The following BABAM2 variants were observed in gnomAD, a reference collection of about 807,000 sequenced individuals.
BABAM2 encodes BRISC and BRCA1-A complex member 2.
In BABAM2, 31 loss-of-function variants were observed where a neutral mutation model predicts 54.7. The ratio of observed to expected loss-of-function variants is 0.57; its 90% confidence interval spans 0.43 to 0.77. The LOEUF (loss-of-function observed/expected upper bound fraction) is 0.77. Ranked by LOEUF, BABAM2 falls within the 30% of genes least tolerant of loss-of-function variation. The probability of loss-of-function intolerance (pLI) is 0.00; values close to 1 mark genes in which losing one functional copy is unlikely to be tolerated. For missense variants in BABAM2, 364 were observed against 455.8 expected, an observed-to-expected ratio of 0.80 and a Z score of 1.83; for synonymous variants, 167 against 162.9, an observed-to-expected ratio of 1.03 and a Z score of -0.19.
In BABAM2 at chr2:28,322,203, C is replaced by G. The variant is rs1690078805; in HGVS notation, c.1089-16247C>G. Among the ~76,000 whole-genome samples, 1 of 152,024 alleles carries G rather than the reference C, an allele frequency of 6.6e-6. No individual in the cohort carries two copies. The highest frequency in any genetic ancestry group is 6.6e-5 in the Admixed American group (1 of 15,266). On this transcript the variant is annotated intron_variant, in intron 11 of 11. Coordinates refer to ENST00000379624, the MANE Select transcript of BABAM2 (RefSeq NM_199191.3). The surrounding 1 kb of genome is among the most constrained non-coding windows in gnomAD (Gnocchi z 4.1). ...AGTGCTGCATGTAAAGCTAGGCACT[C>G]CCCAGTGATGGAGCTTCCAGCTGCC...
intron 6 of BABAM2, among the ~76,000 whole-genome samples, chr2:28,110,688 G>A (rs1252058522): frequency 6.6e-6 from 1 of 151,964 alleles, no homozygotes; most frequent in Non-Finnish European, 1.5e-5. Context: ...TAGCTCTTTA[G>A]GATCCTGTTT....
chr2:28,184,905 TTTAA>T (rs769339067), intron 7 of BABAM2, among the ~76,000 whole-genome samples: 1 of 152,244 alleles, frequency 6.6e-6, no homozygotes, highest in African/African-American at 2.4e-5. Context: ...ATGAGATGGC[TTTAA>T]TTAAGTCACT....
intron 9 of BABAM2, 54 bp from the exon 10 acceptor site, chr2:28,244,726 C>T: frequency 1.3e-6 from 2 of 1,501,304 alleles, no homozygotes; most frequent in Non-Finnish European, 9.2e-7. Context: ...TGCTTTTATA[C>T]CTTAATTTTA....
intron 6 of BABAM2, among the ~76,000 whole-genome samples, chr2:28,127,957 C>T (rs1401376698): frequency 6.6e-6 from 1 of 152,056 alleles, no homozygotes; most frequent in Non-Finnish European, 1.5e-5. Context: ...CAGGTGCCCA[C>T]CACCACGCCC....
intron 7 of BABAM2, among the ~76,000 whole-genome samples, chr2:28,172,962 C>G (rs1392563425): frequency 2.0e-5 from 3 of 152,222 alleles, no homozygotes; most frequent in African/African-American, 7.2e-5. Context: ...TGCAGCCTCT[C>G]TTCCTGGCTT....
intron 3 of BABAM2, among the ~76,000 whole-genome samples, chr2:27,983,162 C>T (rs1672144981): frequency 6.6e-6 from 1 of 152,020 alleles, no homozygotes; most frequent in African/African-American, 2.4e-5. Flanking sequence ...TTCATGTTCT[C>T]ACCCACCCTT....
intron 10 of BABAM2, among the ~76,000 whole-genome samples, chr2:28,276,473 T>C (rs187570152): frequency 8.6e-4 from 131 of 152,334 alleles, no homozygotes; most frequent in Non-Finnish European, 1.5e-3. Context: ...CCGTGGGATG[T>C]TTTTAGCAAA....
At chr2:28,061,890 C>A (rs1451404379) in intron 6 of BABAM2, among the ~76,000 whole-genome samples, 1 of 152,024 alleles carries the variant, frequency 6.6e-6, no homozygotes, top group Non-Finnish European at 1.5e-5. Context: ...GAGTCCCAAA[C>A]ACTTTGAGAA....
intron 4 of BABAM2, among the ~76,000 whole-genome samples, chr2:27,988,849 G>A (rs1024777104): frequency 6.6e-6 from 1 of 151,972 alleles, no homozygotes; most frequent in African/African-American, 2.4e-5. Context: ...TACTAGAAGA[G>A]GTTTTATAGT....
chr2:28,042,061 C>T lies in BABAM2; in HGVS notation c.496-3664C>T, dbSNP rs577218061. On this transcript the variant is annotated intron_variant, in intron 5 of 11. Transcript: ENST00000379624. Reference sequence around the variant, plus strand: ...GGATATATTTTGAAGGGAGAGTTAACAAGATTTTGCCGCCACTTTGAATGT... The same window carrying T: ...GGATATATTTTGAAGGGAGAGTTAATAAGATTTTGCCGCCACTTTGAATGT... Among the ~76,000 whole-genome samples the T allele has an allele frequency of 4.0e-4, 61 of 152,208 alleles. 1 individual carries two copies. The South Asian group carries it at 0.012, about 31-fold the overall frequency.
At chr2:28,126,147 T>TTTA (rs532541270) in intron 6 of BABAM2, among the ~76,000 whole-genome samples, 1 of 151,930 alleles carries the variant, frequency 6.6e-6, no homozygotes, top group African/African-American at 2.4e-5. Context: ...TTAATTTTAT[T>TTTA]TTATTATTAT....
chr2:28,313,709 G>T (rs1292504805), intron 11 of BABAM2, among the ~76,000 whole-genome samples: 1 of 152,306 alleles, frequency 6.6e-6, no homozygotes, highest in Non-Finnish European at 1.5e-5. Flanking sequence ...CTGCAGTTAA[G>T]TTACTGCTAA....
intron 10 of BABAM2, among the ~76,000 whole-genome samples, chr2:28,259,074 CTTTTT>C (rs70956009): frequency 4.3e-5 from 1 of 23,422 alleles, no homozygotes; most frequent in African/African-American, 1.8e-4. Flanking sequence ...TGCACCTGGC[CTTTTT>C]TTTTTTTTTT....
chr2:28,054,843 A>G (rs563548829), intron 6 of BABAM2, among the ~76,000 whole-genome samples: 86 of 152,250 alleles, frequency 5.6e-4, no homozygotes, highest in Non-Finnish European at 1.1e-3. Context: ...GATTGTTGGG[A>G]CTATTAATGA....
intron 4 of BABAM2, among the ~76,000 whole-genome samples, chr2:27,994,450 G>C (rs555987925): frequency 6.6e-6 from 1 of 152,218 alleles, no homozygotes; most frequent in African/African-American, 2.4e-5. Flanking sequence ...ACATCCAGAA[G>C]CCTCACTCAT....
intron 10 of BABAM2, among the ~76,000 whole-genome samples, chr2:28,289,128 T>TAC (rs1687071852): frequency 6.6e-6 from 1 of 152,018 alleles, no homozygotes; most frequent in African/African-American, 2.4e-5. Flanking sequence ...TCATAAACAC[T>TAC]ACTCAACTTA....
rs554058321 is a variant in BABAM2, at chr2:28,200,107, C to A, written c.681-37095C>A. On this transcript the variant is annotated intron_variant, in intron 7 of 11. Coordinates refer to ENST00000379624, the MANE Select transcript of BABAM2 (RefSeq NM_199191.3). Reference sequence around the variant, plus strand: ...TCATACGTAGCTGGTTTAGAATCAACTTTCCAAAACAACCCTACCTATCTT... The same window carrying A: ...TCATACGTAGCTGGTTTAGAATCAAATTTCCAAAACAACCCTACCTATCTT... 5.3e-5 allele frequency among the ~76,000 whole-genome samples: 8 copies of A among 152,302 alleles called. No individual in the cohort carries two copies. In the South Asian group the frequency reaches 1.7e-3, roughly 32 times the overall value.
intron 3 of BABAM2, among the ~76,000 whole-genome samples, chr2:27,946,389 A>G (rs898565443): frequency 6.6e-6 from 1 of 152,004 alleles, no homozygotes; most frequent in African/African-American, 2.4e-5. Flanking sequence ...GTATTACTGG[A>G]GTTGATTCAC....
intron 3 of BABAM2, among the ~76,000 whole-genome samples, chr2:27,935,753 G>T (rs1443060282): frequency 1.3e-5 from 2 of 152,156 alleles, no homozygotes; most frequent in South Asian, 4.1e-4. Flanking sequence ...TTAAGAAATT[G>T]CCATAGCCAT....
Sources: gnomAD v4.1 joint callset for allele counts (sites outside exome capture counted in the v4.1 genomes callset) on GRCh38, gnomAD v4.1.1 for gene constraint, Gnocchi (gnomAD v3.1) non-coding constraint, MANE v1.5 for transcripts, NCBI Gene and HGNC (gene_info 2026-07-23, HGNC 2026-07-21) for gene names.